DOCK2: variants seen among roughly 807,000 people sequenced by gnomAD.
DOCK2 encodes dedicator of cytokinesis protein 2.
In DOCK2, 87 loss-of-function variants were observed where a neutral mutation model predicts 248.9. That is an observed-to-expected ratio of 0.35 (90% CI 0.29 to 0.42). The LOEUF (loss-of-function observed/expected upper bound fraction) is 0.42. DOCK2 is among the 10% of genes least tolerant of loss of function. The pLI is 1.00. For synonymous variants in DOCK2, 805 were observed against 821.6 expected, an observed-to-expected ratio of 0.98 and a Z score of 0.35; for missense variants, 1,747 against 2,300.2, an observed-to-expected ratio of 0.76 and a Z score of 4.92.
chr5:169,721,065 T>C (rs1350282299), intron 22 of DOCK2, among the ~76,000 whole-genome samples: 1 of 152,256 alleles, frequency 6.6e-6, no homozygotes, highest in African/African-American at 2.4e-5. Flanking sequence ...TTTTGTGTTT[T>C]CCATCTACTG....
intron 25 of DOCK2, among the ~76,000 whole-genome samples, chr5:169,795,934 C>A (rs1037417280): frequency 6.6e-6 from 1 of 152,118 alleles, no homozygotes; most frequent in Admixed American, 6.5e-5. Flanking sequence ...GAGGAGAATT[C>A]GACTTTCAGT....
chr5:170,053,362 G>A (rs772645455), intron 41 of DOCK2, among the ~76,000 whole-genome samples: 21 of 152,232 alleles, frequency 1.4e-4, no homozygotes, highest in Non-Finnish European at 2.8e-4. Context: ...ACTCAGCTCC[G>A]CTGTTGTAGT....
At position 169,790,145 on chromosome 5, in the gene DOCK2, A is replaced by G. The variant is rs149161777; in HGVS notation, c.2555-12913A>G. Among the ~76,000 whole-genome samples, 1,012 of 152,310 alleles carry G rather than the reference A, an allele frequency of 6.6e-3. 7 individuals carry two copies. The highest frequency in any genetic ancestry group is 0.013 in the Admixed American group (200 of 15,304). On this transcript the variant is annotated intron_variant, in intron 25 of 51. Transcript: ENST00000520908. ...TGCTTGAATCCAGGATAATTTTCTC[A>G]TTTAATTCTCTGAAATGAAGGGCCC...
At chr5:169,824,709 A>G (rs1053952990) in intron 26 of DOCK2, among the ~76,000 whole-genome samples, 6 of 152,242 alleles carry the variant, frequency 3.9e-5, no homozygotes, top group African/African-American at 1.4e-4. Context: ...GGACATAGGC[A>G]TGGGCGAAGA....
chr5:169,824,353 T>C (rs1301756299), intron 26 of DOCK2, among the ~76,000 whole-genome samples: 1 of 152,184 alleles, frequency 6.6e-6, no homozygotes, highest in African/African-American at 2.4e-5. Context: ...GGAGGCATCA[T>C]GCTACCTGAC....
chr5:169,976,222 T>C (rs182043827), intron 27 of DOCK2, among the ~76,000 whole-genome samples: 228 of 152,312 alleles, frequency 1.5e-3, no homozygotes, highest in African/African-American at 5.1e-3. Flanking sequence ...TCTCTGCCCA[T>C]GAGAGTGCTG....
At chr5:169,702,692 T>G (rs1393995284) in intron 14 of DOCK2, 1 of 238,978 alleles carries the variant, frequency 4.2e-6, no homozygotes, top group African/African-American at 2.5e-5. Flanking sequence ...TATGTATGTA[T>G]GTATGTATTT....
chr5:169,883,816 T>C, intron 27 of DOCK2: 4 of 1,550,092 alleles, frequency 2.6e-6, no homozygotes, highest in Non-Finnish European at 3.5e-6. Context: ...CCTGCGGTGG[T>C]GAGGTTGTTT....
intron 25 of DOCK2, among the ~76,000 whole-genome samples, chr5:169,798,347 T>G (rs1002520392): frequency 6.6e-6 from 1 of 152,224 alleles, no homozygotes; most frequent in Non-Finnish European, 1.5e-5. Context: ...ACTTGTATAC[T>G]TCTAGGAATG....
At chr5:169,825,242 C>G (rs1292200974) in intron 26 of DOCK2, among the ~76,000 whole-genome samples, 1 of 152,140 alleles carries the variant, frequency 6.6e-6, no homozygotes, top group African/African-American at 2.4e-5. Flanking sequence ...ACTAGAAATA[C>G]CATTTGACCC....
chr5:169,668,352 C>G (rs1047906147), intron 2 of DOCK2, among the ~76,000 whole-genome samples: 1 of 152,170 alleles, frequency 6.6e-6, no homozygotes, highest in African/African-American at 2.4e-5. Flanking sequence ...CTATCACGGC[C>G]CCCTGTTGCT....
At chr5:169,721,330 C>A (rs999191477) in intron 22 of DOCK2, among the ~76,000 whole-genome samples, 1 of 152,208 alleles carries the variant, frequency 6.6e-6, no homozygotes, top group Admixed American at 6.5e-5. Context: ...TCCTCATGAA[C>A]AGAAATGTAG....
intron 22 of DOCK2, among the ~76,000 whole-genome samples, chr5:169,728,357 C>G (rs1294859918): frequency 6.6e-6 from 1 of 152,078 alleles, no homozygotes; most frequent in Non-Finnish European, 1.5e-5. Context: ...ATATTTGAAG[C>G]TATAGCACAA....
At chr5:169,940,201 T>C (rs1776181632) in intron 27 of DOCK2, among the ~76,000 whole-genome samples, 2 of 152,200 alleles carry the variant, frequency 1.3e-5, no homozygotes, top group African/African-American at 4.8e-5. Flanking sequence ...GCTTTAACAA[T>C]GAAGGTAGAA....
At chr5:169,928,564 A>G (rs1775588768) in intron 27 of DOCK2, among the ~76,000 whole-genome samples, 1 of 152,236 alleles carries the variant, frequency 6.6e-6, no homozygotes, top group Admixed American at 6.5e-5. Flanking sequence ...GACATGAAGC[A>G]TCGTCCATCC....
intron 6 of DOCK2, among the ~76,000 whole-genome samples, chr5:169,679,087 G>A (rs946030302): frequency 6.6e-6 from 1 of 152,084 alleles, no homozygotes; most frequent in African/African-American, 2.4e-5. Flanking sequence ...TTTTAGGCTG[G>A]CATATGCAGT....
intron 22 of DOCK2, among the ~76,000 whole-genome samples, chr5:169,734,381 GTC>G (rs1762931187): frequency 6.6e-6 from 1 of 151,982 alleles, no homozygotes; most frequent in South Asian, 2.1e-4. Context: ...TTCTCATTCT[GTC>G]TCTCTGTTTT....
chr5:169,983,206 C>G (rs1324261183), intron 28 of DOCK2, 40 bp downstream of exon 28: 2 of 1,599,856 alleles, frequency 1.3e-6, no homozygotes, highest in Admixed American at 1.7e-5. Context: ...AGAACTCTTC[C>G]ATCTCTGGAA....
intron 27 of DOCK2, among the ~76,000 whole-genome samples, chr5:169,918,180 A>G (rs1330405723): frequency 2.0e-5 from 3 of 152,234 alleles, no homozygotes; most frequent in African/African-American, 4.8e-5. Flanking sequence ...TTAAAAATAC[A>G]GAAACCACAT....
Sources: gnomAD v4.1 joint callset for allele counts (sites outside exome capture counted in the v4.1 genomes callset) on GRCh38, gnomAD v4.1.1 for gene constraint, MANE v1.5 for transcripts, NCBI Gene and HGNC (gene_info 2026-07-23, HGNC 2026-07-21) for gene names.